EFNA5: variants seen among roughly 807,000 people sequenced by gnomAD.
EFNA5 encodes the protein ephrin-A5.
A neutral mutation model predicts 22.9 loss-of-function variants in EFNA5; 5 were observed. That is an observed-to-expected ratio of 0.22 (90% CI 0.11 to 0.46). The LOEUF is 0.46. Ranked by LOEUF, EFNA5 falls within the 20% of genes least tolerant of loss-of-function variation. EFNA5 has a pLI of 0.99. For synonymous variants in EFNA5, 113 were observed against 112.2 expected (o/e 1.01, Z -0.04); for missense variants, 237 against 293.3 (o/e 0.81, Z 1.40).
chr5:107,502,008 C>A (rs571404323), intron 1 of EFNA5, among the ~76,000 whole-genome samples: 14 of 152,270 alleles, frequency 9.2e-5, no homozygotes, highest in African/African-American at 3.1e-4. Context: ...GTGAGAAATA[C>A]CCCATCTGAT....
intron 4 of EFNA5, among the ~76,000 whole-genome samples, 173 bp downstream of exon 4, chr5:107,387,062 A>G (rs1747644451): frequency 2.6e-5 from 4 of 152,210 alleles, no homozygotes; most frequent in Admixed American, 2.6e-4. Flanking sequence ...GCATTGCACA[A>G]AGATACTGGA....
intron 1 of EFNA5, among the ~76,000 whole-genome samples, chr5:107,512,524 A>G (rs970653832): frequency 2.0e-5 from 3 of 152,070 alleles, no homozygotes; most frequent in African/African-American, 7.2e-5. Flanking sequence ...AAGGCACAAA[A>G]CTGAAGCATG....
intron 1 of EFNA5, among the ~76,000 whole-genome samples, chr5:107,604,760 G>A (rs1477343573): frequency 1.3e-5 from 2 of 152,132 alleles, no homozygotes; most frequent in Admixed American, 6.5e-5. Context: ...GCATGTGTAC[G>A]AAATGTTTAA....
chr5:107,399,318 C>CAGAAA lies in EFNA5; in HGVS notation c.419-11548_419-11547insTTTCT, dbSNP rs1402282845. ...AGAAGGAAGGAAGGAAGGAAGGAAA[C>CAGAAA]GGAAAGGAAAGGAAAGGAAAGGAAA... On this transcript the variant is annotated intron_variant, in intron 2 of 4. Transcript: ENST00000333274. Among the ~76,000 whole-genome samples, 868 of 94,636 alleles carry CAGAAA rather than the reference C, an allele frequency of 9.2e-3. 16 individuals are homozygous for CAGAAA. Among genetic ancestry groups the CAGAAA allele is most frequent in the African/African-American group, 0.036 (788 of 22,012 alleles). The allele number at this position is 94,636 out of a possible 152,430, so 62.1% of individuals were successfully genotyped here.
intron 1 of EFNA5, among the ~76,000 whole-genome samples, chr5:107,641,009 TAGATAGATAGATAGACAGAC>T (rs1750493565): frequency 7.0e-6 from 1 of 142,316 alleles, no homozygotes; most frequent in African/African-American, 2.6e-5. Context: ...GATAGATAGA[TAGATAGATAGATAGACAGAC>T]AGACAGACAG....
At chr5:107,575,604 A>G (rs1352006116) in intron 1 of EFNA5, among the ~76,000 whole-genome samples, 1 of 152,158 alleles carries the variant, frequency 6.6e-6, no homozygotes, top group Non-Finnish European at 1.5e-5. Context: ...GTTAGTCATG[A>G]TGACTGAGAT....
chr5:107,398,636 C>T (rs1014860593), intron 2 of EFNA5, among the ~76,000 whole-genome samples: 14 of 151,802 alleles, frequency 9.2e-5, no homozygotes, highest in African/African-American at 3.4e-4. Context: ...TGCTTGAGCC[C>T]GAGAGTTTGA....
At chr5:107,584,346 T>C (rs1257806941) in intron 1 of EFNA5, among the ~76,000 whole-genome samples, 1 of 152,152 alleles carries the variant, frequency 6.6e-6, no homozygotes, top group African/African-American at 2.4e-5. Flanking sequence ...GGAGGCAAAC[T>C]CACTGAAGAT....
At chr5:107,421,278 T>C (rs1748658361) in intron 2 of EFNA5, among the ~76,000 whole-genome samples, 1 of 152,214 alleles carries the variant, frequency 6.6e-6, no homozygotes. Flanking sequence ...TTAAAAATGA[T>C]GTCCATAGTA....
In EFNA5 at chr5:107,380,198, A is replaced by G. The variant is rs1747400145; in HGVS notation, c.*1057T>C. On this transcript the variant is annotated 3_prime_UTR_variant, in exon 5 of 5. Transcript: ENST00000333274. ...GTGGGAGGCGGGGAAAGGCCACAGC[A>G]CACTGGCGCTCCAGCAAAGCCAAAT... The G allele has an allele frequency of 6.6e-6, 1 of 151,988 alleles. No homozygotes were observed. Among genetic ancestry groups the G allele is most frequent in the African/African-American group, 2.4e-5 (1 of 41,296 alleles). 9.4% of individuals were successfully genotyped at this position (151,988 alleles called of 1,614,324 possible).
At chr5:107,499,685 G>A (rs1276335845) in intron 1 of EFNA5, among the ~76,000 whole-genome samples, 2 of 152,136 alleles carry the variant, frequency 1.3e-5, no homozygotes, top group East Asian at 3.8e-4. Context: ...GTCTTCTTTT[G>A]GTGTTTTAAT....
At chr5:107,646,570 T>C (rs1056572567) in intron 1 of EFNA5, among the ~76,000 whole-genome samples, 1 of 152,180 alleles carries the variant, frequency 6.6e-6, no homozygotes, top group African/African-American at 2.4e-5. Flanking sequence ...AACATGTTGG[T>C]ACTAGTTCTT....
chr5:107,414,411 T>C (rs1748452230), intron 2 of EFNA5, among the ~76,000 whole-genome samples: 1 of 152,234 alleles, frequency 6.6e-6, no homozygotes, highest in African/African-American at 2.4e-5. Flanking sequence ...TTCATGAATA[T>C]ATTTTTCCCA....
At chr5:107,474,714 AG>A (rs1248038151) in intron 1 of EFNA5, among the ~76,000 whole-genome samples, 5 of 152,196 alleles carry the variant, frequency 3.3e-5, no homozygotes, top group Admixed American at 6.5e-5. Context: ...TGGCTAACAC[AG>A]GAAACACCAC....
At chr5:107,457,782 C>T (rs1749732447) in intron 1 of EFNA5, among the ~76,000 whole-genome samples, 1 of 152,172 alleles carries the variant, frequency 6.6e-6, no homozygotes, top group African/African-American at 2.4e-5. Flanking sequence ...TATAAACACA[C>T]AATTGTTCTA....
intron 1 of EFNA5, among the ~76,000 whole-genome samples, chr5:107,436,194 A>G (rs2112430690): frequency 6.6e-6 from 1 of 152,348 alleles, no homozygotes; most frequent in South Asian, 2.1e-4. Context: ...CCAGGCCCAC[A>G]TAATGTTCTC....
chr5:107,487,678 TGA>T (rs1746675947), intron 1 of EFNA5, among the ~76,000 whole-genome samples: 1 of 152,166 alleles, frequency 6.6e-6, no homozygotes, highest in Non-Finnish European at 1.5e-5. Flanking sequence ...AGCAGCAAAA[TGA>T]TAATTTTGTT....
chr5:107,638,015 T>A lies in EFNA5; in HGVS notation c.125+32474A>T, dbSNP rs926122042. On this transcript the variant is annotated intron_variant, in intron 1 of 4. Transcript: ENST00000333274. ...GCACCTGCCACCACGCCTGGCTAAT[T>A]TTTTGTATTTTTTTTTTTTAGTAGA... Among the ~76,000 whole-genome samples the A allele has an allele frequency of 3.2e-5, 3 of 92,380 alleles. No individual in the cohort carries two copies. The Admixed American group carries it at 3.5e-4, about 11-fold the overall frequency. 60.6% of individuals were successfully genotyped at this position (92,380 alleles called of 152,430 possible).
At chr5:107,511,101 A>G (rs1747362252) in intron 1 of EFNA5, among the ~76,000 whole-genome samples, 1 of 149,338 alleles carries the variant, frequency 6.7e-6, no homozygotes, top group Non-Finnish European at 1.5e-5. Flanking sequence ...ATCTTGGCTC[A>G]CTGCAACCTC....
Sources: gnomAD v4.1 joint callset for allele counts (sites outside exome capture counted in the v4.1 genomes callset) on GRCh38, gnomAD v4.1.1 for gene constraint, MANE v1.5 for transcripts, NCBI Gene and HGNC (gene_info 2026-07-23, HGNC 2026-07-21) for gene names.